DIAPH2: variants seen among roughly 807,000 people sequenced by gnomAD.
DIAPH2 encodes the protein protein diaphanous homolog 2.
In DIAPH2, 35 loss-of-function variants were observed where a neutral mutation model predicts 92.7. The ratio of observed to expected loss-of-function variants is 0.38; its 90% CI spans 0.29 to 0.50. The LOEUF (loss-of-function observed/expected upper bound fraction) is 0.50. Among genes scored for constraint, DIAPH2 ranks in the 20% least tolerant of loss-of-function variants. The pLI is 0.94. For synonymous variants in DIAPH2, 301 were observed against 280.4 expected (o/e 1.07, Z -0.73); for missense variants, 701 against 819.5 (o/e 0.86, Z 1.77).
intron 25 of DIAPH2, among the ~76,000 whole-genome samples, chrX:97,393,498 AT>A (rs2069678705): frequency 8.9e-6 from 1 of 112,163 alleles, no homozygotes; most frequent in Non-Finnish European, 1.9e-5. Context: ...GCTAATTTAA[AT>A]GCAACAAAAA....
intron 8 of DIAPH2, among the ~76,000 whole-genome samples, chrX:96,917,782 C>A (rs1349478716): frequency 9.1e-6 from 1 of 109,606 alleles, no homozygotes; most frequent in Non-Finnish European, 1.9e-5. Context: ...AGTCTTTTTT[C>A]TTTTTCCATT....
chrX:96,808,693 C>T (rs1249755440), intron 4 of DIAPH2, among the ~76,000 whole-genome samples: 1 of 111,855 alleles, frequency 8.9e-6, no homozygotes, highest in African/African-American at 3.2e-5. Context: ...AGAAATACCA[C>T]ATTGAGAAAA....
At chrX:97,243,308 G>T (rs1416746825) in intron 22 of DIAPH2, among the ~76,000 whole-genome samples, 1 of 98,341 alleles carries the variant, frequency 1.0e-5, no homozygotes, top group Non-Finnish European at 2.0e-5. Context: ...TTTCCCTCAT[G>T]CCTGCTTCTC....
At chrX:96,952,679 G>A (rs2065783634) in intron 15 of DIAPH2, among the ~76,000 whole-genome samples, 1 of 110,915 alleles carries the variant, frequency 9.0e-6, no homozygotes, top group African/African-American at 3.3e-5. Context: ...AGGTTGCAGT[G>A]AGCTGAGATT....
At chrX:97,034,242 C>A (rs2147880796) in intron 17 of DIAPH2, among the ~76,000 whole-genome samples, 1 of 110,296 alleles carries the variant, frequency 9.1e-6, no homozygotes, top group African/African-American at 3.3e-5. Flanking sequence ...TTTAAAAAGT[C>A]AATGAAAAAT....
intron 5 of DIAPH2, among the ~76,000 whole-genome samples, chrX:96,900,824 C>T (rs945502691): frequency 1.8e-5 from 2 of 111,636 alleles, no homozygotes; most frequent in Non-Finnish European, 3.8e-5. Flanking sequence ...CACTTGATTC[C>T]GATATATTAT....
At chrX:96,962,166 G>C (rs2065852822) in intron 16 of DIAPH2, among the ~76,000 whole-genome samples, 1 of 102,465 alleles carries the variant, frequency 9.8e-6, no homozygotes, top group Non-Finnish European at 2.0e-5. Context: ...TTTCCCTTTA[G>C]ATCTAATAAT....
chrX:97,541,783 A>G (rs755704619), intron 26 of DIAPH2, among the ~76,000 whole-genome samples: 1 of 112,413 alleles, frequency 8.9e-6, no homozygotes, highest in African/African-American at 3.2e-5. Flanking sequence ...ACTTTCTAGA[A>G]TCTTTTTTCC....
intron 22 of DIAPH2, among the ~76,000 whole-genome samples, chrX:97,243,071 C>G (rs1056601076): frequency 1.3e-4 from 14 of 111,103 alleles, no homozygotes; most frequent in Non-Finnish European, 2.3e-4. Flanking sequence ...CAGGCTTGAG[C>G]CACCGCACCT....
At chrX:97,322,903 C>CTTTTT (rs1160046333) in intron 23 of DIAPH2, among the ~76,000 whole-genome samples, 45 of 76,891 alleles carry the variant, frequency 5.9e-4, no homozygotes, top group Non-Finnish European at 7.5e-4. Context: ...TATCCCAGTT[C>CTTTTT]TTTTTTTTTT....
At chrX:97,178,743 A>C (rs757457432) in intron 22 of DIAPH2, among the ~76,000 whole-genome samples, 4 of 111,268 alleles carry the variant, frequency 3.6e-5, no homozygotes, top group South Asian at 7.7e-4. Context: ...CATGTGTTGA[A>C]ATGTAATCGT....
At chrX:97,113,856 A>G (rs192788788) in intron 20 of DIAPH2, among the ~76,000 whole-genome samples, 42 of 111,842 alleles carry the variant, frequency 3.8e-4, no homozygotes, top group African/African-American at 1.3e-3. Context: ...CACTGTGTGC[A>G]TGTGTCTGTG....
chrX:96,735,837 TTTAA>T (rs1336475754), intron 2 of DIAPH2, 47 bp downstream of exon 2: 5 of 724,341 alleles, frequency 6.9e-6, no homozygotes, highest in Non-Finnish European at 1.0e-5. Flanking sequence ...CATGTTGCCT[TTTAA>T]TTAAAATGGG....
intron 22 of DIAPH2, among the ~76,000 whole-genome samples, chrX:97,244,481 G>T (rs927841532): frequency 1.8e-5 from 2 of 111,601 alleles, no homozygotes; most frequent in African/African-American, 6.5e-5. Context: ...CCCATTTTAG[G>T]TTCATTGGCC....
intron 24 of DIAPH2, among the ~76,000 whole-genome samples, chrX:97,377,280 G>A (rs188321479): frequency 1.3e-3 from 146 of 112,424 alleles, no homozygotes; most frequent in African/African-American, 4.5e-3. Context: ...TAGCAAATAC[G>A]TAAACCAGTA....
At chrX:96,812,017 G>C (rs1005254657) in intron 4 of DIAPH2, among the ~76,000 whole-genome samples, 4 of 111,587 alleles carry the variant, frequency 3.6e-5, no homozygotes, top group African/African-American at 1.3e-4. Context: ...TTTGGTATCA[G>C]GATGATGCTG....
At chrX:96,795,466 G>A (rs1286506185) in intron 4 of DIAPH2, among the ~76,000 whole-genome samples, 1 of 110,962 alleles carries the variant, frequency 9.0e-6, no homozygotes. Context: ...GATCAAGTCA[G>A]TTGGTAGTGA....
chrX:96,989,972 T>C (rs1342818334), intron 17 of DIAPH2, among the ~76,000 whole-genome samples: 1 of 112,156 alleles, frequency 8.9e-6, no homozygotes, highest in African/African-American at 3.2e-5. Context: ...ATCAACATTG[T>C]TTTAATGTCT....
intron 22 of DIAPH2, among the ~76,000 whole-genome samples, chrX:97,228,718 G>C (rs1238119395): frequency 9.0e-6 from 1 of 111,517 alleles, no homozygotes; most frequent in Non-Finnish European, 1.9e-5. Context: ...ACTCATTAAA[G>C]GGTGACACTA....
Sources: gnomAD v4.1 joint callset for allele counts (sites outside exome capture counted in the v4.1 genomes callset) on GRCh38, gnomAD v4.1.1 for gene constraint, MANE v1.5 for transcripts, NCBI Gene and HGNC (gene_info 2026-07-23, HGNC 2026-07-21) for gene names.